Variants in HS6ST2 observed in about 807,000 individuals in gnomAD.
HS6ST2 encodes heparan sulfate 6-O-sulfotransferase 2.
HS6ST2 carries 17 observed loss-of-function variants against 33.0 expected under a neutral mutation model. That is an observed-to-expected ratio of 0.52 (90% CI 0.35 to 0.77). The LOEUF (loss-of-function observed/expected upper bound fraction) is 0.77, where lower values mean the gene tolerates loss of function less well. Among genes scored for constraint, HS6ST2 ranks in the 30% least tolerant of loss-of-function variants. HS6ST2 has a pLI of 0.01. For synonymous variants in HS6ST2, 248 were observed against 237.1 expected (o/e 1.05, Z -0.42); for missense variants, 519 against 551.7 (o/e 0.94, Z 0.59).
intron 2 of HS6ST2, among the ~76,000 whole-genome samples, chrX:132,855,905 A>C (rs1369609202): frequency 1.8e-5 from 2 of 110,106 alleles, no homozygotes; most frequent in Non-Finnish European, 3.8e-5. Flanking sequence ...CTTATTGCTA[A>C]TTGCAATGCT....
chrX:132,632,141 C>G (rs2063522374), intron 4 of HS6ST2, among the ~76,000 whole-genome samples: 1 of 111,218 alleles, frequency 9.0e-6, no homozygotes, highest in Admixed American at 9.6e-5. Context: ...CACACATACA[C>G]ACACTGCTGC....
intron 2 of HS6ST2, among the ~76,000 whole-genome samples, chrX:132,923,496 C>T (rs1427166344): frequency 8.9e-6 from 1 of 111,878 alleles, no homozygotes; most frequent in Non-Finnish European, 1.9e-5. Context: ...ACTGATGTTA[C>T]TAATCCCTGT....
intron 2 of HS6ST2, among the ~76,000 whole-genome samples, chrX:132,882,292 T>G (rs941766034): frequency 5.4e-5 from 6 of 111,354 alleles, no homozygotes; most frequent in Non-Finnish European, 9.4e-5. Flanking sequence ...GTGTCCTCTT[T>G]TATTTCCTTG....
chrX:132,665,032 TGTTGA>T (rs2063799308), intron 4 of HS6ST2, among the ~76,000 whole-genome samples: 1 of 112,125 alleles, frequency 8.9e-6, no homozygotes, highest in Non-Finnish European at 1.9e-5. Flanking sequence ...TCAACAATAC[TGTTGA>T]GGAAAGGTAG....
intron 2 of HS6ST2, among the ~76,000 whole-genome samples, chrX:132,824,035 T>C (rs2065491707): frequency 9.1e-6 from 1 of 110,357 alleles, no homozygotes; most frequent in Non-Finnish European, 1.9e-5. Context: ...TTTGGTAAAT[T>C]TGGGGCCTGA....
chrX:132,640,753 T>G (rs974427636), intron 4 of HS6ST2, among the ~76,000 whole-genome samples: 1 of 112,372 alleles, frequency 8.9e-6, no homozygotes, highest in African/African-American at 3.2e-5. Context: ...TATGTTGAAA[T>G]AATAATGTGG....
chrX:132,690,486 A>G lies in HS6ST2; in HGVS notation c.980+17976T>C, dbSNP rs1264132532. Among the ~76,000 whole-genome samples, 12 of 112,029 alleles carry G rather than the reference A, an allele frequency of 1.1e-4. 2 individuals are homozygous for G. Among genetic ancestry groups the G allele is most frequent in the Admixed American group, 1.0e-3 (11 of 10,605 alleles). Reference sequence around the variant, plus strand: ...TGTAGGAATTTTGAAAAAAGAGTCAACTTTGGTTTGTTCCTCATACAGAGG... The same window carrying G: ...TGTAGGAATTTTGAAAAAAGAGTCAGCTTTGGTTTGTTCCTCATACAGAGG... On this transcript the variant is annotated intron_variant, in intron 3 of 4. Transcript: ENST00000370833.
chrX:132,882,007 A>G (rs2066180708), intron 2 of HS6ST2, among the ~76,000 whole-genome samples: 1 of 111,619 alleles, frequency 9.0e-6, no homozygotes, highest in Non-Finnish European at 1.9e-5. Flanking sequence ...TACCAGTACC[A>G]TGCTGTTTTG....
intron 2 of HS6ST2, among the ~76,000 whole-genome samples, chrX:132,757,555 G>A (rs1156263405): frequency 9.0e-6 from 1 of 111,009 alleles, no homozygotes; most frequent in Non-Finnish European, 1.9e-5. Context: ...ATCCTGAAGA[G>A]CAAAATGGAG....
intron 2 of HS6ST2, among the ~76,000 whole-genome samples, chrX:132,749,261 T>C (rs2064677001): frequency 8.9e-6 from 1 of 112,654 alleles, no homozygotes; most frequent in Non-Finnish European, 1.9e-5. Flanking sequence ...GTGAGCTTCT[T>C]GAGGACAGGG....
At chrX:132,756,503 T>C (rs1164320205) in intron 2 of HS6ST2, among the ~76,000 whole-genome samples, 1 of 110,423 alleles carries the variant, frequency 9.1e-6, no homozygotes. Context: ...CCACCTCCTT[T>C]CCCCCTTTCT....
chrX:132,784,951 G>A (rs1477405539), intron 2 of HS6ST2, among the ~76,000 whole-genome samples: 2 of 111,523 alleles, frequency 1.8e-5, no homozygotes, highest in Non-Finnish European at 3.8e-5. Context: ...ACTCTACCTC[G>A]TCCTTGGTTC....
At chrX:132,686,638 C>T (rs936583519) in intron 3 of HS6ST2, among the ~76,000 whole-genome samples, 3 of 111,700 alleles carry the variant, frequency 2.7e-5, no homozygotes, top group African/African-American at 9.8e-5. Flanking sequence ...ACCAGTCCCC[C>T]CAAGTGATTG....
At chrX:132,676,450 A>G (rs1464593856) in intron 3 of HS6ST2, among the ~76,000 whole-genome samples, 9 of 112,672 alleles carry the variant, frequency 8.0e-5, no homozygotes, top group Non-Finnish European at 1.7e-4. Flanking sequence ...AAAGTTAGGG[A>G]AAGCAAAGGT....
intron 4 of HS6ST2, among the ~76,000 whole-genome samples, chrX:132,667,090 T>C (rs1261167855): frequency 9.0e-6 from 1 of 111,251 alleles, no homozygotes; most frequent in Admixed American, 9.6e-5. Context: ...AGTCTCACCA[T>C]ATGCACAGAA....
chrX:132,687,823 A>C (rs1251977532), intron 3 of HS6ST2, among the ~76,000 whole-genome samples: 1 of 110,468 alleles, frequency 9.1e-6, no homozygotes, highest in African/African-American at 3.3e-5. Context: ...ATCTCGGCTC[A>C]CTGCAACCTC....
chrX:132,932,164 T>G (rs1235262244), intron 2 of HS6ST2, among the ~76,000 whole-genome samples: 2 of 97,962 alleles, frequency 2.0e-5, no homozygotes, highest in East Asian at 6.3e-4. Context: ...TCAGCCTGGG[T>G]GACAGAGCAA....
chrX:132,760,689 C>G (rs1165619455), intron 2 of HS6ST2, among the ~76,000 whole-genome samples: 5 of 111,106 alleles, frequency 4.5e-5, no homozygotes, highest in African/African-American at 1.3e-4. Flanking sequence ...AGAGAGGACA[C>G]AGGCATGGGA....
intron 2 of HS6ST2, among the ~76,000 whole-genome samples, chrX:132,919,881 A>G (rs1404857876): frequency 8.9e-6 from 1 of 112,274 alleles, no homozygotes; most frequent in East Asian, 2.8e-4. Flanking sequence ...TTAAGATTTC[A>G]TTTGATTGAT....
Sources: allele counts gnomAD v4.1 joint callset (sites outside exome capture counted in the v4.1 genomes callset), GRCh38; gene constraint gnomAD v4.1.1; transcripts MANE v1.5; gene names NCBI Gene and HGNC (gene_info 2026-07-23, HGNC 2026-07-21).